IGSF11: variants seen among roughly 807,000 people sequenced by gnomAD.
IGSF11 encodes immunoglobulin superfamily member 11, also known as CXADR like 1.
IGSF11 carries 22 observed loss-of-function variants against 41.0 expected under a neutral mutation model. The ratio of observed to expected loss-of-function variants is 0.54; its 90% CI spans 0.38 to 0.77. The LOEUF is 0.77. Among genes scored for constraint, IGSF11 ranks in the 30% least tolerant of loss-of-function variants. The pLI is 0.00. For missense variants in IGSF11, 444 were observed against 530.8 expected, an observed-to-expected ratio of 0.84 and a Z score of 1.61; for synonymous variants, 219 against 201.3, an observed-to-expected ratio of 1.09 and a Z score of -0.74.
intron 1 of IGSF11, among the ~76,000 whole-genome samples, chr3:118,995,851 C>T (rs1936217788): frequency 6.6e-6 from 1 of 152,088 alleles, no homozygotes; most frequent in Non-Finnish European, 1.5e-5. Flanking sequence ...CAGGGTTTCA[C>T]TGTGTTAGCC....
chr3:119,034,506 G>C (rs1430958050), intron 1 of IGSF11, 25 bp downstream of exon 1: 10 of 1,545,698 alleles, frequency 6.5e-6, no homozygotes, highest in Non-Finnish European at 8.7e-6. Context: ...GGCCCCACCG[G>C]GAAGAAAGGG....
intron 1 of IGSF11, among the ~76,000 whole-genome samples, chr3:119,022,972 AT>A (rs1413428326): frequency 3.9e-5 from 6 of 152,096 alleles, no homozygotes. Flanking sequence ...AAAAAAAAAA[AT>A]GTCTTTGGCT....
intron 1 of IGSF11, among the ~76,000 whole-genome samples, chr3:118,957,724 G>A (rs1442211542): frequency 3.9e-5 from 6 of 152,152 alleles, no homozygotes; most frequent in Non-Finnish European, 5.9e-5. Flanking sequence ...CTGTTTTGAG[G>A]TAAAGTAGAA....
intron 1 of IGSF11, among the ~76,000 whole-genome samples, chr3:119,048,907 T>A (rs1310908692): frequency 6.6e-6 from 1 of 152,216 alleles, no homozygotes; most frequent in Non-Finnish European, 1.5e-5. Context: ...CACATGATTA[T>A]CTCAACAGAT....
chr3:119,044,264 A>G (rs1418980892), intron 1 of IGSF11, among the ~76,000 whole-genome samples: 1 of 152,192 alleles, frequency 6.6e-6, no homozygotes, highest in South Asian at 2.1e-4. Context: ...AATGCAAAAT[A>G]CACTGGGAAG....
At chr3:118,954,870 T>C (rs541360038) in intron 1 of IGSF11, among the ~76,000 whole-genome samples, 1 of 152,232 alleles carries the variant, frequency 6.6e-6, no homozygotes, top group East Asian at 1.9e-4. Flanking sequence ...GATACCACCT[T>C]ACTCCTGCAA....
chr3:118,970,859 G>C (rs1245023654), intron 1 of IGSF11, among the ~76,000 whole-genome samples: 1 of 151,320 alleles, frequency 6.6e-6, no homozygotes, highest in East Asian at 1.9e-4. Flanking sequence ...TTCATTTGTA[G>C]AAATAGGTAC....
chr3:119,050,835 T>C (rs1180792683), intron 1 of IGSF11, among the ~76,000 whole-genome samples: 1 of 152,010 alleles, frequency 6.6e-6, no homozygotes, highest in Admixed American at 6.6e-5. Flanking sequence ...GATGACTTCA[T>C]GTCCTTTGTA....
At chr3:119,008,099 C>CT (rs1273580807) in intron 1 of IGSF11, among the ~76,000 whole-genome samples, 7 of 152,092 alleles carry the variant, frequency 4.6e-5, no homozygotes, top group African/African-American at 1.7e-4. Flanking sequence ...ATTATAGTGA[C>CT]TCTTGAGGGT....
In IGSF11 at chr3:118,902,969, G is replaced by A. The variant is rs140117558; in HGVS notation, c.855-8C>T. 6.2e-6 allele frequency: 10 copies of A among 1,610,216 alleles called. No homozygotes were observed. Among genetic ancestry groups the A allele is most frequent in the Non-Finnish European group, 8.5e-6 (10 of 1,176,902 alleles). ...GGTGGAAGATCATCCTCTCTGAAAG[G>A]AACAAAATAAAGTCGTTGTTAGGAT... is the stretch of plus-strand genomic sequence containing the variant. On this transcript the variant is annotated splice_region_variant and splice_polypyrimidine_tract_variant and intron_variant, in intron 6 of 6. Transcript: ENST00000393775.
chr3:119,137,974 T>C (rs959688824), intron 1 of IGSF11, among the ~76,000 whole-genome samples: 1 of 152,124 alleles, frequency 6.6e-6, no homozygotes, highest in Admixed American at 6.5e-5. Context: ...ACATCATTGA[T>C]CATCAGAGAA....
At chr3:119,132,007 AT>A (rs933066708) in intron 1 of IGSF11, among the ~76,000 whole-genome samples, 9 of 152,122 alleles carry the variant, frequency 5.9e-5, no homozygotes, top group Admixed American at 5.9e-4. Flanking sequence ...ATGCTGAGAG[AT>A]TTTGTCACCA....
intron 1 of IGSF11, among the ~76,000 whole-genome samples, chr3:119,120,693 T>C (rs553476749): frequency 6.0e-4 from 91 of 152,152 alleles, no homozygotes; most frequent in African/African-American, 2.0e-3. Context: ...ACCTGGTGGG[T>C]CACCATGATA....
In IGSF11 at chr3:119,112,895, C is replaced by T. The variant is rs187341386; in HGVS notation, c.-13-7690G>A. 4.6e-5 allele frequency: 7 copies of T among 152,462 alleles called. No homozygotes were observed. The East Asian group carries it at 1.3e-3, about 29-fold the overall frequency. 9.4% of individuals were successfully genotyped at this position (152,462 alleles called of 1,614,324 possible). A position where few individuals can be genotyped will look rare whatever the true frequency, so the allele number is the denominator to read the frequency against. ...TTCGCTCACAGTTCTGCAGGATGTA[C>T]AGAAAGCATGGCAGAGGAGGCCTCA... On this transcript the variant is annotated intron_variant, in intron 1 of 7. Coordinates refer to the IGSF11 transcript ENST00000425327.
chr3:119,107,644 A>G (rs1250556693), upstream of IGSF11, among the ~76,000 whole-genome samples: 4 of 152,052 alleles, frequency 2.6e-5, no homozygotes, highest in African/African-American at 4.8e-5. Context: ...TTGGTGTTTT[A>G]GACATGAAGC....
intron 1 of IGSF11, among the ~76,000 whole-genome samples, chr3:119,121,065 A>G (rs911934367): frequency 7.9e-5 from 12 of 152,336 alleles, no homozygotes; most frequent in Non-Finnish European, 1.8e-4. Flanking sequence ...AAATGGCAAT[A>G]ATGACAAACC....
chr3:118,936,151 G>C (rs1381889753), intron 1 of IGSF11, among the ~76,000 whole-genome samples: 3 of 151,976 alleles, frequency 2.0e-5, no homozygotes, highest in Non-Finnish European at 4.4e-5. Flanking sequence ...TCCTCTTAAA[G>C]GATATTTCCA....
chr3:118,937,517 A>C (rs1452709850), intron 1 of IGSF11, among the ~76,000 whole-genome samples: 2 of 152,218 alleles, frequency 1.3e-5, no homozygotes, highest in African/African-American at 2.4e-5. Context: ...ACTAAAAAAA[A>C]AAGTTTGTGT....
At chr3:118,949,566 A>T (rs916080274) in intron 1 of IGSF11, among the ~76,000 whole-genome samples, 2 of 152,178 alleles carry the variant, frequency 1.3e-5, no homozygotes, top group Non-Finnish European at 2.9e-5. Flanking sequence ...ATGTGATGAA[A>T]CCTCAACCTG....
Sources: allele counts gnomAD v4.1 joint callset (sites outside exome capture counted in the v4.1 genomes callset), GRCh38; gene constraint gnomAD v4.1.1; transcripts MANE v1.5; gene names NCBI Gene and HGNC (gene_info 2026-07-23, HGNC 2026-07-21).